DKK2: variants seen among roughly 807,000 people sequenced by gnomAD.
DKK2 encodes dickkopf Wnt signaling pathway inhibitor 2, also known as dickkopf-related protein 2.
DKK2 carries 11 observed loss-of-function variants against 28.1 expected under a neutral mutation model. The ratio of observed to expected loss-of-function variants is 0.39; its 90% CI spans 0.25 to 0.65. DKK2 has a LOEUF of 0.65. Ranked by LOEUF, DKK2 falls within the 30% of genes least tolerant of loss-of-function variation. The probability of loss-of-function intolerance (pLI) is 0.47; values close to 1 mark genes in which losing one functional copy is unlikely to be tolerated. For synonymous variants in DKK2, 135 were observed against 126.5 expected, an observed-to-expected ratio of 1.07 and a Z score of -0.45; for missense variants, 326 against 335.5, an observed-to-expected ratio of 0.97 and a Z score of 0.22.
intron 1 of DKK2, among the ~76,000 whole-genome samples, chr4:106,951,396 C>A (rs1724857036): frequency 6.6e-6 from 1 of 152,128 alleles, no homozygotes; most frequent in Non-Finnish European, 1.5e-5. Context: ...ATGTTTACTG[C>A]AGTCCTATTC....
intron 1 of DKK2, among the ~76,000 whole-genome samples, chr4:107,001,741 A>C (rs1723362617): frequency 6.6e-6 from 1 of 152,204 alleles, no homozygotes; most frequent in South Asian, 2.1e-4. Context: ...TCAGAAGACA[A>C]TATGTTGTAT....
rs996113762 is a variant in DKK2, at chr4:107,007,834, G to A, written c.222+27536C>T. Among the ~76,000 whole-genome samples, 9 of 152,226 alleles carry A rather than the reference G, an allele frequency of 5.9e-5. 1 individual carries two copies. Among genetic ancestry groups the A allele is most frequent in the Admixed American group, 5.9e-4 (9 of 15,282 alleles). ...AGCTGGTGTGGATAAAGTCATAAGT[G>A]TATATACATAAAAACATACTTGATA... is the stretch of plus-strand genomic sequence containing the variant. On this transcript the variant is annotated intron_variant, in intron 1 of 3. Coordinates refer to ENST00000285311, the MANE Select transcript of DKK2 (RefSeq NM_014421.3).
At chr4:107,004,414 G>A (rs1315242659) in intron 1 of DKK2, among the ~76,000 whole-genome samples, 1 of 152,118 alleles carries the variant, frequency 6.6e-6, no homozygotes, top group African/African-American at 2.4e-5. Flanking sequence ...AGAAATGTTC[G>A]AGGATGACTT....
At chr4:107,024,762 C>G in intron 1 of DKK2, among the ~76,000 whole-genome samples, 1 of 152,092 alleles carries the variant, frequency 6.6e-6, no homozygotes, top group East Asian at 1.9e-4. Flanking sequence ...TAAGGCTTAA[C>G]GGTGTTATAC....
At chr4:106,981,161 AG>A (rs755855211) in intron 1 of DKK2, among the ~76,000 whole-genome samples, 1 of 152,120 alleles carries the variant, frequency 6.6e-6, no homozygotes, top group Non-Finnish European at 1.5e-5. Context: ...GGGGAGAAAA[AG>A]GGACTCAGAG....
At chr4:106,974,777 T>C (rs1722918017) in intron 1 of DKK2, among the ~76,000 whole-genome samples, 1 of 152,194 alleles carries the variant, frequency 6.6e-6, no homozygotes, top group African/African-American at 2.4e-5. Context: ...TTCAATACTA[T>C]GTTGACTAGG....
chr4:106,964,671 G>A (rs1423668815), intron 1 of DKK2, among the ~76,000 whole-genome samples: 1 of 152,070 alleles, frequency 6.6e-6, no homozygotes, highest in Non-Finnish European at 1.5e-5. Context: ...TTTTTTAGAT[G>A]TGGTTAACAT....
At chr4:106,956,608 A>T (rs2110348579) in intron 1 of DKK2, among the ~76,000 whole-genome samples, 1 of 152,326 alleles carries the variant, frequency 6.6e-6, no homozygotes, top group South Asian at 2.1e-4. Flanking sequence ...CATATCTATA[A>T]CTATCTGATC....
At chr4:106,998,697 C>T (rs944501980) in intron 1 of DKK2, among the ~76,000 whole-genome samples, 1 of 152,026 alleles carries the variant, frequency 6.6e-6, no homozygotes, top group Non-Finnish European at 1.5e-5. Context: ...ATATGAATAG[C>T]TATAGTTATT....
chr4:106,939,483 T>C (rs952200171), intron 1 of DKK2, among the ~76,000 whole-genome samples: 2 of 152,140 alleles, frequency 1.3e-5, no homozygotes, highest in African/African-American at 4.8e-5. Context: ...GGAAGAACAT[T>C]CCATGCTCAT....
chr4:107,002,194 A>G (rs2110365543), intron 1 of DKK2, among the ~76,000 whole-genome samples: 1 of 152,346 alleles, frequency 6.6e-6, no homozygotes, highest in East Asian at 1.9e-4. Flanking sequence ...ATCGTTCTGA[A>G]CTAACTGCAA....
At chr4:107,026,423 G>T (rs895145560) in intron 1 of DKK2, among the ~76,000 whole-genome samples, 13 of 152,096 alleles carry the variant, frequency 8.5e-5, no homozygotes, top group Non-Finnish European at 1.9e-4. Flanking sequence ...TAAAATATTT[G>T]TGCATATTAT....
At chr4:106,959,036 A>G (rs1161573591) in intron 1 of DKK2, among the ~76,000 whole-genome samples, 1 of 151,350 alleles carries the variant, frequency 6.6e-6, no homozygotes, top group Admixed American at 6.6e-5. Flanking sequence ...AATATAAAAG[A>G]TGAAAGATAT....
chr4:106,983,606 A>G (rs1723067095), intron 1 of DKK2, among the ~76,000 whole-genome samples: 1 of 152,222 alleles, frequency 6.6e-6, no homozygotes, highest in Non-Finnish European at 1.5e-5. Context: ...AACATCGTAA[A>G]TCATACTTTA....
chr4:106,991,071 A>G (rs1185620199), intron 1 of DKK2, among the ~76,000 whole-genome samples: 1 of 152,164 alleles, frequency 6.6e-6, no homozygotes. Flanking sequence ...TCCTTCCTCT[A>G]TAAAACTTTT....
intron 1 of DKK2, among the ~76,000 whole-genome samples, chr4:107,019,928 C>T (rs555704958): frequency 1.3e-5 from 2 of 151,696 alleles, no homozygotes; most frequent in Non-Finnish European, 2.9e-5. Flanking sequence ...TGAAATAGTC[C>T]TTGAATATCC....
intron 1 of DKK2, among the ~76,000 whole-genome samples, chr4:106,985,887 AAGG>A (rs1723113151): frequency 6.6e-6 from 1 of 151,678 alleles, no homozygotes; most frequent in South Asian, 2.1e-4. Context: ...GGAGAGAAGA[AAGG>A]AGGGAGGAAA....
intron 1 of DKK2, among the ~76,000 whole-genome samples, chr4:107,000,703 C>T (rs1343119669): frequency 2.6e-5 from 4 of 152,128 alleles, no homozygotes; most frequent in South Asian, 2.1e-4. Flanking sequence ...AGAACAAATA[C>T]CTATGGTCCT....
At chr4:106,925,378 G>C (rs1447891248) in intron 2 of DKK2, among the ~76,000 whole-genome samples, 4 of 152,140 alleles carry the variant, frequency 2.6e-5, no homozygotes, top group Non-Finnish European at 2.9e-5. Flanking sequence ...TCCCTTTGGA[G>C]GAACCAATCA....
Sources: gnomAD v4.1 joint callset for allele counts (sites outside exome capture counted in the v4.1 genomes callset) on GRCh38, gnomAD v4.1.1 for gene constraint, MANE v1.5 for transcripts, NCBI Gene and HGNC (gene_info 2026-07-23, HGNC 2026-07-21) for gene names.